The following FBN1 variants were observed in gnomAD, a reference collection of about 807,000 sequenced individuals.
FBN1 encodes fibrillin 1.
FBN1 carries 29 observed loss-of-function variants against 365.1 expected under a neutral mutation model. That is an observed-to-expected ratio of 0.08 (90% CI 0.06 to 0.11). FBN1 has a LOEUF of 0.11. FBN1 is among the 10% of genes least tolerant of loss of function. The pLI is 1.00. For synonymous variants in FBN1, 1,210 were observed against 1,270.5 expected, an observed-to-expected ratio of 0.95 and a Z score of 1.01; for missense variants, 2,476 against 3,703.2, an observed-to-expected ratio of 0.67 and a Z score of 8.60.
chr15:48,617,166 GT>G (rs200193193), intron 2 of FBN1, among the ~76,000 whole-genome samples: 5 of 150,382 alleles, frequency 3.3e-5, no homozygotes, highest in East Asian at 1.9e-4. Flanking sequence ...TGTTTTGGGG[GT>G]TTTTTTTTGC....
At chr15:48,450,295 G>C (rs1475279219) in intron 45 of FBN1, among the ~76,000 whole-genome samples, 1 of 152,122 alleles carries the variant, frequency 6.6e-6, no homozygotes, top group East Asian at 1.9e-4. Flanking sequence ...AGTTCCACAA[G>C]GAAATGGAGA....
chr15:48,506,682 ATTAGCAT>A (rs1418640502), intron 15 of FBN1, among the ~76,000 whole-genome samples: 1 of 152,234 alleles, frequency 6.6e-6, no homozygotes, highest in Non-Finnish European at 1.5e-5. Flanking sequence ...TGGAGACTGA[ATTAGCAT>A]TGATGATTCA....
intron 6 of FBN1, among the ~76,000 whole-genome samples, chr15:48,580,644 G>T (rs1271218858): frequency 1.3e-5 from 2 of 152,132 alleles, no homozygotes; most frequent in Non-Finnish European, 2.9e-5. Flanking sequence ...TATGCCAAAA[G>T]CCACACACCC....
intron 59 of FBN1, 42 bp from the exon 60 acceptor site, chr15:48,425,533 G>T: frequency 6.2e-7 from 1 of 1,613,374 alleles, no homozygotes; most frequent in Non-Finnish European, 8.5e-7. Context: ...ATCTAAAAAT[G>T]ATGTGTACAC....
At chr15:48,465,886 T>A in intron 38 of FBN1, 28 bp from the exon 39 acceptor site, 1 of 1,515,824 alleles carries the variant, frequency 6.6e-7, no homozygotes. Context: ...CAAATTGAGT[T>A]GTTTTGAATC....
chr15:48,490,818 G>A lies in FBN1; in HGVS notation c.2855-740C>T, dbSNP rs564583223. Reference sequence around the variant, plus strand: ...GTCTTCAATAAATTATCCTAAACCTGAATTTCCACATCTGTTACAGGATGT... The same window carrying A: ...GTCTTCAATAAATTATCCTAAACCTAAATTTCCACATCTGTTACAGGATGT... On this transcript the variant is annotated intron_variant, in intron 24 of 65. Transcript: ENST00000316623. Among the ~76,000 whole-genome samples the A allele has an allele frequency of 3.3e-5, 5 of 152,284 alleles. No homozygotes were observed. In the South Asian group the frequency reaches 8.3e-4, roughly 25 times the overall value.
At chr15:48,492,087 C>T (rs1257155760) in intron 24 of FBN1, among the ~76,000 whole-genome samples, 1 of 152,176 alleles carries the variant, frequency 6.6e-6, no homozygotes, top group Non-Finnish European at 1.5e-5. Context: ...TTGCAAGGAC[C>T]TGTCCTTCTG....
In FBN1 at chr15:48,456,896, G is replaced by A. The variant is rs1361567571; in HGVS notation, c.5297-134C>T. On this transcript the variant is annotated intron_variant, in intron 43 of 65. Transcript: ENST00000316623. ...TGCGTGCATGTGTTGGGGTGGTGGT[G>A]ATGGCAATAGGGACATCAACGAATA... The A allele has an allele frequency of 3.6e-6, 3 of 822,766 alleles. No individual in the cohort carries two copies. In the African/African-American group the frequency reaches 5.1e-5, roughly 14 times the overall value. The allele number at this position is 822,766 out of a possible 1,614,324, so 51.0% of individuals were successfully genotyped here.
intron 4 of FBN1, among the ~76,000 whole-genome samples, chr15:48,605,866 C>A (rs2044603641): frequency 6.6e-6 from 1 of 152,026 alleles, no homozygotes; most frequent in African/African-American, 2.4e-5. Flanking sequence ...CAGAGTAAGA[C>A]CCCGTCTAAA....
intron 6 of FBN1, among the ~76,000 whole-genome samples, chr15:48,559,881 A>G (rs2044210776): frequency 6.6e-6 from 1 of 152,230 alleles, no homozygotes; most frequent in Non-Finnish European, 1.5e-5. Context: ...TTGTGTGCCC[A>G]TCATCTGTTT....
intron 36 of FBN1, among the ~76,000 whole-genome samples, chr15:48,470,155 A>T (rs2043359013): frequency 6.6e-6 from 1 of 152,144 alleles, no homozygotes; most frequent in Non-Finnish European, 1.5e-5. Flanking sequence ...TGGCTCAACA[A>T]GAAAATGATT....
intron 6 of FBN1, among the ~76,000 whole-genome samples, chr15:48,574,122 A>G (rs1315987367): frequency 1.3e-5 from 2 of 152,190 alleles, no homozygotes; most frequent in African/African-American, 4.8e-5. Flanking sequence ...AGTCCTTGCA[A>G]TGGTCAGTGG....
At chr15:48,461,876 C>T (rs760479810) in intron 42 of FBN1, among the ~76,000 whole-genome samples, 42 of 152,098 alleles carry the variant, frequency 2.8e-4, no homozygotes, top group Non-Finnish European at 3.5e-4. Context: ...TTATGAAATA[C>T]GATTCTCCTG....
chr15:48,488,296 G>A, intron 26 of FBN1, 55 bp from the exon 27 acceptor site: 1 of 1,613,134 alleles, frequency 6.2e-7, no homozygotes, highest in Non-Finnish European at 8.5e-7. Context: ...CTTAATTCTT[G>A]CGACAATATG....
At chr15:48,570,839 G>A (rs2044301192) in intron 6 of FBN1, among the ~76,000 whole-genome samples, 1 of 152,202 alleles carries the variant, frequency 6.6e-6, no homozygotes. Context: ...ACTGGCATCT[G>A]CTGGCCAGGC....
rs2042932254 is a variant in FBN1 at position 48,420,557 on chromosome 15, C to T, written c.7819+130G>A. ...GACTGTTACTTACCTCGGGTTTCAA[C>T]CAGGTTAGGGCAATTTTAAATGAGT... On this transcript the variant is annotated intron_variant, in intron 63 of 65. Transcript: ENST00000316623. 4.8e-6 allele frequency: 6 copies of T among 1,260,020 alleles called. No individual in the cohort carries two copies. The East Asian group carries it at 1.2e-4, about 25-fold the overall frequency. 78.1% of individuals were successfully genotyped at this position (1,260,020 alleles called of 1,614,324 possible). A position where few individuals can be genotyped will look rare whatever the true frequency, so the allele number is the denominator to read the frequency against.
chr15:48,596,426 T>C, intron 5 of FBN1, 48 bp from the exon 6 acceptor site: 1 of 1,535,390 alleles, frequency 6.5e-7, no homozygotes, highest in Non-Finnish European at 9.0e-7. Flanking sequence ...AAATAAATGC[T>C]AATGAAGTAA....
At chr15:48,526,319 A>G in intron 8 of FBN1, 64 bp from the exon 9 acceptor site, 2 of 1,571,606 alleles carry the variant, frequency 1.3e-6, no homozygotes, top group East Asian at 4.5e-5. Context: ...TCGTCAGTAG[A>G]AGGACTCAGA....
At chr15:48,542,349 TC>T in intron 6 of FBN1, among the ~76,000 whole-genome samples, 1 of 152,290 alleles carries the variant, frequency 6.6e-6, no homozygotes, top group African/African-American at 2.4e-5. Context: ...TTTAAATCCT[TC>T]TTTTCATAAA....
Sources: allele counts gnomAD v4.1 joint callset (sites outside exome capture counted in the v4.1 genomes callset), GRCh38; gene constraint gnomAD v4.1.1; transcripts MANE v1.5; gene names NCBI Gene and HGNC (gene_info 2026-07-23, HGNC 2026-07-21).